Variants in RAB11FIP3 observed in about 807,000 individuals in gnomAD.
The protein encoded by RAB11FIP3 is RAB11 family interacting protein 3.
RAB11FIP3 carries 17 observed loss-of-function variants against 77.8 expected under a neutral mutation model. The observed-to-expected ratio is 0.22, with a 90% CI of 0.15 to 0.33. RAB11FIP3 has a LOEUF of 0.33. Among genes scored for constraint, RAB11FIP3 ranks in the 10% least tolerant of loss-of-function variants. RAB11FIP3 has a pLI of 1.00. For synonymous variants in RAB11FIP3, 437 were observed against 448.2 expected (o/e 0.98, Z 0.31); for missense variants, 1,005 against 1,011.2 (o/e 0.99, Z 0.08).
At chr16:485,637 T>C (rs1388465757) in intron 4 of RAB11FIP3, among the ~76,000 whole-genome samples, 1 of 152,222 alleles carries the variant, frequency 6.6e-6, no homozygotes, top group African/African-American at 2.4e-5. Flanking sequence ...GGTCTCGAAC[T>C]CCTGACCTTG....
intron 3 of RAB11FIP3, among the ~76,000 whole-genome samples, chr16:480,790 G>T (rs927031623): frequency 1.7e-5 from 2 of 116,124 alleles, no homozygotes; most frequent in Non-Finnish European, 4.2e-5. Flanking sequence ...GAGCCACTGC[G>T]CCCGGCCTGT....
chr16:520,732 G>A lies in RAB11FIP3; in HGVS notation c.2164G>A (p.Glu722Lys). 4 of 1,613,694 alleles carry A rather than the reference G, an allele frequency of 2.5e-6. No individual in the cohort carries two copies. In the South Asian group the frequency reaches 4.4e-5, roughly 18 times the overall value. Residue 722 changes from glutamate to lysine, a missense_variant, in exon 14 of 14, where the codon GAG (glutamate) becomes AAG (lysine). By Grantham distance (56) the Glu-to-Lys change is moderately conservative. Transcript: ENST00000262305. ...ISSVSRDELM[E>K]AIQKQEEINF... ...CCACCTGCTTGCCCTACAGCTCATG[G>A]AGGCGATTCAGAAGCAGGAGGAGAT...
chr16:456,060 G>A (rs188822319), intron 1 of RAB11FIP3, among the ~76,000 whole-genome samples: 68 of 152,078 alleles, frequency 4.5e-4, no homozygotes, highest in Middle Eastern at 3.4e-3. Flanking sequence ...GGGCACGGTG[G>A]CTCGCTCACA....
At chr16:459,587 C>G (rs934953847) in intron 1 of RAB11FIP3, among the ~76,000 whole-genome samples, 8 of 151,984 alleles carry the variant, frequency 5.3e-5, no homozygotes, top group Non-Finnish European at 1.0e-4. Context: ...CAGGCGAGCG[C>G]CACCACACCT....
chr16:432,693 G>A (rs968663913), intron 1 of RAB11FIP3, among the ~76,000 whole-genome samples: 10 of 148,214 alleles, frequency 6.7e-5, no homozygotes, highest in African/African-American at 1.5e-4. Flanking sequence ...TCTGCCTCCC[G>A]GGTTCAAGCA....
chr16:456,214 C>A lies in RAB11FIP3; in HGVS notation c.715-5190C>A, dbSNP rs181572555. ...CCTGTAATTCCAGCACTTTGGGAGG[C>A]CAAGGTGGGCGGATCACTTGAAGTC... is the stretch of plus-strand genomic sequence containing the variant. On this transcript the variant is annotated intron_variant, in intron 1 of 13. Transcript: ENST00000262305. Among the ~76,000 whole-genome samples, 858 of 151,982 alleles carry A rather than the reference C, an allele frequency of 5.6e-3. 15 individuals carry two copies. Among genetic ancestry groups the A allele is most frequent in the Non-Finnish European group, 4.6e-3 (312 of 67,992 alleles).
At chr16:502,870 C>T in intron 6 of RAB11FIP3, 134 bp from the exon 7 acceptor site, 1 of 732,464 alleles carries the variant, frequency 1.4e-6, no homozygotes, top group Non-Finnish European at 2.4e-6. Flanking sequence ...AAGACCACCA[C>T]CCAGATCAGG....
At chr16:473,663 C>T in intron 3 of RAB11FIP3, among the ~76,000 whole-genome samples, 1 of 152,046 alleles carries the variant, frequency 6.6e-6, no homozygotes, top group East Asian at 1.9e-4. Flanking sequence ...TGCTCTCAAA[C>T]TCCTGAGTTC....
intron 1 of RAB11FIP3, among the ~76,000 whole-genome samples, chr16:456,247 C>T (rs1303963496): frequency 2.6e-5 from 4 of 151,748 alleles, no homozygotes; most frequent in African/African-American, 4.8e-5. Context: ...GTCAGGAGTT[C>T]GAGACCAGCC....
At chr16:440,233 G>A (rs1023484118) in intron 1 of RAB11FIP3, among the ~76,000 whole-genome samples, 5 of 152,056 alleles carry the variant, frequency 3.3e-5, no homozygotes, top group Admixed American at 2.0e-4. Flanking sequence ...AAATGGAAAT[G>A]TTTCTGGACA....
rs1246971896 is a variant in RAB11FIP3 at position 482,612 on chromosome 16, C to T, written c.991C>T (p.Leu331=). 3 of 1,613,566 alleles carry T rather than the reference C, an allele frequency of 1.9e-6. No homozygotes were observed. Among genetic ancestry groups the T allele is most frequent in the Non-Finnish European group, 2.5e-6 (3 of 1,180,046 alleles). Residue 331 remains leucine, a synonymous_variant, in exon 4 of 14, where the codon CTG becomes TTG. Transcript: ENST00000262305. Reference sequence around the variant, plus strand: ...CTTCACGGACGAGGACACCAGCACCCTGGTGCACCCTGAGCTGCAACCTGA... The same window carrying T: ...CTTCACGGACGAGGACACCAGCACCTTGGTGCACCCTGAGCTGCAACCTGA... The part of the protein sequence containing the change: ...ETFTDEDTST[L]VHPELQPEGD...
intron 5 of RAB11FIP3, among the ~76,000 whole-genome samples, chr16:493,648 C>A (rs1315876179): frequency 6.6e-6 from 1 of 152,124 alleles, no homozygotes; most frequent in African/African-American, 2.4e-5. Flanking sequence ...GCTTTGTGAC[C>A]CAGGCCGGAG....
chr16:503,282 G>A (rs1596287623), intron 7 of RAB11FIP3, among the ~76,000 whole-genome samples, 185 bp downstream of exon 7: 5 of 152,208 alleles, frequency 3.3e-5, no homozygotes, highest in South Asian at 2.1e-4. Context: ...AAGGGGTCTC[G>A]TGGCCATGTG....
intron 9 of RAB11FIP3, among the ~76,000 whole-genome samples, chr16:511,399 A>G (rs371924968): frequency 2.8e-3 from 252 of 90,662 alleles, no homozygotes; most frequent in Middle Eastern, 0.013. Flanking sequence ...GGTTCCCGAC[A>G]GCCCGCCAAC....
At chr16:459,649 C>T (rs2055569663) in intron 1 of RAB11FIP3, among the ~76,000 whole-genome samples, 1 of 151,638 alleles carries the variant, frequency 6.6e-6, no homozygotes. Context: ...GTTGGCCAGG[C>T]TGGTCTGGAA....
At chr16:440,611 G>A (rs975317345) in intron 1 of RAB11FIP3, among the ~76,000 whole-genome samples, 6 of 152,356 alleles carry the variant, frequency 3.9e-5, no homozygotes, top group Middle Eastern at 3.4e-3. Flanking sequence ...TTTGCTGGCC[G>A]TGTCCTGCCT....
intron 7 of RAB11FIP3, among the ~76,000 whole-genome samples, chr16:504,252 TCC>T (rs1485844563): frequency 3.3e-4 from 1 of 3,028 alleles, no homozygotes. Context: ...CCTCACCTCC[TCC>T]TGTACCCCCT....
At chr16:448,810 G>T (rs2141606648) in intron 1 of RAB11FIP3, among the ~76,000 whole-genome samples, 1 of 151,898 alleles carries the variant, frequency 6.6e-6, no homozygotes, top group Non-Finnish European at 1.5e-5. Flanking sequence ...AGCTACTCGG[G>T]AGGCTGAAGC....
chr16:488,511 C>T (rs1218200594), intron 4 of RAB11FIP3, among the ~76,000 whole-genome samples: 1 of 151,990 alleles, frequency 6.6e-6, no homozygotes, highest in African/African-American at 2.4e-5. Flanking sequence ...CAGGCTCAAG[C>T]GATCTTCCCA....
Sources: gnomAD v4.1 joint callset for allele counts (sites outside exome capture counted in the v4.1 genomes callset) on GRCh38, gnomAD v4.1.1 for gene constraint, MANE v1.5 for transcripts, NCBI Gene and HGNC (gene_info 2026-07-23, HGNC 2026-07-21) for gene names.